The following GRM1 variants were observed in gnomAD, a reference collection of about 807,000 sequenced individuals.
GRM1 encodes the protein glutamate metabotropic receptor 1.
A neutral mutation model predicts 90.9 loss-of-function variants in GRM1; 33 were observed. That is an observed-to-expected ratio of 0.36 (90% CI 0.28 to 0.49). GRM1 has a LOEUF of 0.49. Ranked by LOEUF, GRM1 falls within the 20% of genes least tolerant of loss-of-function variation. GRM1 has a pLI of 0.99. For synonymous variants in GRM1, 700 were observed against 613.2 expected (o/e 1.14, Z -2.09); for missense variants, 1,190 against 1,534.3 (o/e 0.78, Z 3.75).
chr6:146,403,147 A>G (rs138776023), intron 7 of GRM1, among the ~76,000 whole-genome samples: 2 of 152,354 alleles, frequency 1.3e-5, no homozygotes, highest in East Asian at 3.9e-4. Flanking sequence ...TAAATTAATT[A>G]GATCCAAGTA....
intron 3 of GRM1, among the ~76,000 whole-genome samples, chr6:146,344,961 C>T (rs764670500): frequency 1.3e-5 from 2 of 151,980 alleles, no homozygotes; most frequent in Non-Finnish European, 1.5e-5. Context: ...CCAGGCATGC[C>T]CCAATATGCC....
intron 2 of GRM1, among the ~76,000 whole-genome samples, chr6:146,244,357 G>A (rs1780978582): frequency 6.6e-6 from 1 of 152,160 alleles, no homozygotes; most frequent in African/African-American, 2.4e-5. Flanking sequence ...ACTAATAAAT[G>A]TCCATGAAAT....
At chr6:146,284,134 C>T (rs570954860) in intron 2 of GRM1, among the ~76,000 whole-genome samples, 1 of 152,258 alleles carries the variant, frequency 6.6e-6, no homozygotes, top group East Asian at 1.9e-4. Context: ...GGGGTGCTGG[C>T]TCTGAAAAGC....
At chr6:146,141,912 AGG>A (rs1212962689) in intron 1 of GRM1, among the ~76,000 whole-genome samples, 1 of 152,014 alleles carries the variant, frequency 6.6e-6, no homozygotes, top group African/African-American at 2.4e-5. Context: ...TCATTTGGTG[AGG>A]TTATGTTTTC....
At chr6:146,154,123 G>A (rs192070119) in intron 1 of GRM1, among the ~76,000 whole-genome samples, 266 of 152,292 alleles carry the variant, frequency 1.7e-3, no homozygotes, top group Non-Finnish European at 3.3e-3. Flanking sequence ...TTATTCTAAT[G>A]CAAAGAGCAT....
chr6:146,035,708 T>TA (rs1562418807), intron 1 of GRM1, among the ~76,000 whole-genome samples: 1 of 151,952 alleles, frequency 6.6e-6, no homozygotes, highest in African/African-American at 2.4e-5. Context: ...TGGAGCCTGT[T>TA]AAAAAAATAT....
At chr6:146,428,304 G>C (rs1223348420) in intron 7 of GRM1, among the ~76,000 whole-genome samples, 3 of 152,152 alleles carry the variant, frequency 2.0e-5, no homozygotes. Context: ...AGAGATTAGT[G>C]ATGACGGAAA....
chr6:146,287,582 G>T (rs1322833753), intron 2 of GRM1, among the ~76,000 whole-genome samples: 1 of 152,080 alleles, frequency 6.6e-6, no homozygotes, highest in Non-Finnish European at 1.5e-5. Flanking sequence ...AATCTCCAAT[G>T]AATTTAGCAT....
chr6:146,171,233 A>G (rs1778111213), intron 2 of GRM1: 2 of 152,196 alleles, frequency 1.3e-5, no homozygotes, highest in African/African-American at 4.8e-5. Context: ...TTCTACTATA[A>G]TAAATTACCA....
intron 2 of GRM1, among the ~76,000 whole-genome samples, chr6:146,160,115 C>G (rs905365528): frequency 1.3e-5 from 2 of 151,980 alleles, no homozygotes; most frequent in African/African-American, 4.8e-5. Flanking sequence ...TAAACATGAA[C>G]ATCTTATTGA....
At chr6:146,259,958 T>TTATA (rs560018959) in intron 2 of GRM1, among the ~76,000 whole-genome samples, 13 of 147,634 alleles carry the variant, frequency 8.8e-5, no homozygotes, top group South Asian at 2.1e-4. Flanking sequence ...CAATACTTAT[T>TTATA]TATATATATA....
chr6:146,253,908 T>A (rs572161446), intron 2 of GRM1, among the ~76,000 whole-genome samples: 2 of 152,204 alleles, frequency 1.3e-5, no homozygotes, highest in South Asian at 4.2e-4. Flanking sequence ...TGTGAGATAA[T>A]CTTTGGCAAA....
At chr6:146,213,684 T>TTAGA (rs750265154) in intron 2 of GRM1, among the ~76,000 whole-genome samples, 7,930 of 146,382 alleles carry the variant, frequency 0.054, 251 homozygotes, top group East Asian at 0.065. Context: ...GATGGAAAGA[T>TTAGA]TAGATAGATA....
At chr6:146,268,082 C>T (rs934394574) in intron 2 of GRM1, among the ~76,000 whole-genome samples, 8 of 152,168 alleles carry the variant, frequency 5.3e-5, no homozygotes, top group African/African-American at 1.9e-4. Context: ...TTGAAATTCA[C>T]CCCTTTTTTG....
intron 2 of GRM1, among the ~76,000 whole-genome samples, chr6:146,252,269 G>C (rs1220471758): frequency 6.6e-6 from 1 of 152,148 alleles, no homozygotes; most frequent in East Asian, 1.9e-4. Flanking sequence ...ATAAGGGTTT[G>C]ATTCACTTTT....
intron 5 of GRM1, among the ~76,000 whole-genome samples, chr6:146,375,353 A>C (rs1022411712): frequency 2.6e-5 from 4 of 152,048 alleles, no homozygotes; most frequent in Non-Finnish European, 4.4e-5. Flanking sequence ...AGTGCTGAGA[A>C]AGAGTGTGTA....
At chr6:146,194,226 A>G (rs1040753007) in intron 2 of GRM1, among the ~76,000 whole-genome samples, 1 of 152,046 alleles carries the variant, frequency 6.6e-6, no homozygotes, top group Non-Finnish European at 1.5e-5. Flanking sequence ...GTTTCCTGCT[A>G]TCTCCATTGA....
At position 146,029,955 on chromosome 6, in the gene GRM1, C is replaced by T. The variant is rs150205245; in HGVS notation, c.438C>T (p.Ser146=). The T allele has an allele frequency of 1.9e-6, 3 of 1,614,074 alleles. No homozygotes were observed. The highest frequency in any genetic ancestry group is 2.5e-6 in the Non-Finnish European group (3 of 1,179,992). ...ACCGGTGTCTGCCTGACGGCCAGTC[C>T]CTCCCCCCAGGCAGGACTAAGAAGC... ...GINRCLPDGQ[S]LPPGRTKKPI... is the part of the protein sequence containing the mutation. The change falls in exon 1 of 8, where the codon TCC becomes TCT. Residue 146 remains serine, a synonymous_variant. Transcript: ENST00000282753.
intron 1 of GRM1, among the ~76,000 whole-genome samples, chr6:146,150,932 GTGCGCGCACA>G (rs1777304422): frequency 3.1e-5 from 1 of 32,744 alleles, no homozygotes; most frequent in Non-Finnish European, 4.8e-5. Flanking sequence ...ACACACGCGT[GTGCGCGCACA>G]CACACACACA....
Sources: allele counts gnomAD v4.1 joint callset (sites outside exome capture counted in the v4.1 genomes callset), GRCh38; gene constraint gnomAD v4.1.1; transcripts MANE v1.5; gene names NCBI Gene and HGNC (gene_info 2026-07-23, HGNC 2026-07-21).